RTL4: variants seen among roughly 807,000 people sequenced by gnomAD.
RTL4 encodes retrotransposon Gag-like protein 4.
RTL4 carries 4 observed loss-of-function variants against 5.3 expected under a neutral mutation model. The observed-to-expected ratio is 0.75, with a 90% confidence interval of 0.37 to 1.72. The LOEUF (loss-of-function observed/expected upper bound fraction) is 1.72. Ranked by LOEUF, RTL4 falls within the 40% of genes most tolerant of loss-of-function variation. The pLI is 0.04. For missense variants in RTL4, 260 were observed against 227.1 expected, an observed-to-expected ratio of 1.14 and a Z score of -0.93; for synonymous variants, 98 against 87.3, an observed-to-expected ratio of 1.12 and a Z score of -0.68.
At chrX:112,169,078 T>C in the RTL4 span, among the ~76,000 whole-genome samples, 1 of 44,041 alleles carries the variant, frequency 2.3e-5, no homozygotes, top group East Asian at 9.9e-4. Context: ...CTTTTTTCTT[T>C]CTTTCTTTTC....
chrX:112,312,800 G>A, the RTL4 span, among the ~76,000 whole-genome samples: 1 of 111,230 alleles, frequency 9.0e-6, no homozygotes, highest in South Asian at 3.8e-4. Flanking sequence ...TCCAGGTCCT[G>A]TTTCTCCCCA....
the RTL4 span, among the ~76,000 whole-genome samples, chrX:112,097,094 T>C: frequency 9.0e-6 from 1 of 111,687 alleles, no homozygotes; most frequent in Non-Finnish European, 1.9e-5. Context: ...GTAACCAACC[T>C]TAACCCCACC....
the RTL4 span, among the ~76,000 whole-genome samples, chrX:112,440,485 C>G: frequency 3.6e-5 from 4 of 111,607 alleles, no homozygotes; most frequent in African/African-American, 9.8e-5. Context: ...TACATCACTC[C>G]TGATGGGTAT....
At chrX:112,287,819 G>A in the RTL4 span, among the ~76,000 whole-genome samples, 3 of 111,748 alleles carry the variant, frequency 2.7e-5, no homozygotes, top group Admixed American at 9.5e-5. Flanking sequence ...TGGAGAAGGG[G>A]CCAGTAAAAG....
At chrX:112,094,512 C>T in the RTL4 span, among the ~76,000 whole-genome samples, 3 of 110,141 alleles carry the variant, frequency 2.7e-5, no homozygotes, top group Non-Finnish European at 5.7e-5. Flanking sequence ...GAAGTTGTCA[C>T]CATATAGATA....
the RTL4 span, among the ~76,000 whole-genome samples, chrX:112,415,820 G>A: frequency 7.2e-5 from 8 of 111,446 alleles, no homozygotes; most frequent in Non-Finnish European, 1.5e-4. Flanking sequence ...CCAAGGCCAC[G>A]GTTAGAAAAT....
At chrX:112,363,708 T>C in the RTL4 span, among the ~76,000 whole-genome samples, 1 of 111,539 alleles carries the variant, frequency 9.0e-6, no homozygotes, top group East Asian at 2.8e-4. Context: ...TGCTGCTATT[T>C]TTTAAAAATA....
chrX:112,326,950 C>CTGT, the RTL4 span, among the ~76,000 whole-genome samples: 2 of 111,682 alleles, frequency 1.8e-5, no homozygotes, highest in Non-Finnish European at 3.8e-5. Context: ...AGGGTCCTGT[C>CTGT]TGTTAGAAGG....
the RTL4 span, among the ~76,000 whole-genome samples, chrX:112,145,161 G>T: frequency 8.9e-6 from 1 of 111,760 alleles, no homozygotes; most frequent in Non-Finnish European, 1.9e-5. Context: ...TCAAGCAAAT[G>T]ACACTAGTTG....
chrX:112,097,234 G>T, the RTL4 span, among the ~76,000 whole-genome samples: 2 of 111,847 alleles, frequency 1.8e-5, no homozygotes, highest in African/African-American at 6.5e-5. Flanking sequence ...TGTGAAGAAA[G>T]GAGGAGGGAC....
chrX:112,361,985 G>A, the RTL4 span, among the ~76,000 whole-genome samples: 1 of 111,604 alleles, frequency 9.0e-6, no homozygotes, highest in Non-Finnish European at 1.9e-5. Flanking sequence ...ACTCCCAAAT[G>A]TTTATAGACT....
the RTL4 span, among the ~76,000 whole-genome samples, chrX:112,363,442 G>T: frequency 1.4e-4 from 15 of 110,884 alleles, no homozygotes; most frequent in Non-Finnish European, 2.1e-4. Context: ...TAAACTTCCT[G>T]CTTATTCTGG....
chrX:112,323,126 G>A, the RTL4 span, among the ~76,000 whole-genome samples: 5 of 111,948 alleles, frequency 4.5e-5, no homozygotes, highest in African/African-American at 1.3e-4. Flanking sequence ...TTCCAAAAAC[G>A]CTGTAAAACT....
the RTL4 span, among the ~76,000 whole-genome samples, chrX:112,276,029 A>T: frequency 9.0e-6 from 1 of 111,697 alleles, no homozygotes; most frequent in South Asian, 3.7e-4. Flanking sequence ...CTGACTAGCC[A>T]TTCTTTTTTT....
chrX:112,391,529 A>T, the RTL4 span, among the ~76,000 whole-genome samples: 2 of 109,218 alleles, frequency 1.8e-5, no homozygotes, highest in Non-Finnish European at 3.8e-5. Context: ...TTTGCGTAGG[A>T]TCTTTATTTG....
chrX:112,380,150 AT>A, the RTL4 span, among the ~76,000 whole-genome samples: 80 of 100,039 alleles, frequency 8.0e-4, no homozygotes, highest in Non-Finnish European at 5.6e-4. Flanking sequence ...ATGAAGATCA[AT>A]TTTTTTTTTT....
At chrX:112,093,193 C>A in the RTL4 span, among the ~76,000 whole-genome samples, 695 of 111,513 alleles carry the variant, frequency 6.2e-3, 9 homozygotes, top group African/African-American at 0.021. Flanking sequence ...ACTTCTGAAT[C>A]ATTTCTTTGC....
chrX:112,380,286 A>G, the RTL4 span, among the ~76,000 whole-genome samples: 1 of 109,739 alleles, frequency 9.1e-6, no homozygotes, highest in African/African-American at 3.3e-5. Flanking sequence ...AGCTGGGACT[A>G]CAGAAGCCCA....
the RTL4 span, among the ~76,000 whole-genome samples, chrX:112,332,891 T>G: frequency 9.0e-6 from 1 of 111,652 alleles, no homozygotes; most frequent in African/African-American, 3.3e-5. Flanking sequence ...TGTTTTTTTC[T>G]TCCTTCAATT....
Sources: gnomAD v4.1 joint callset for allele counts (sites outside exome capture counted in the v4.1 genomes callset) on GRCh38, gnomAD v4.1.1 for gene constraint, MANE v1.5 for transcripts, NCBI Gene and HGNC (gene_info 2026-07-23, HGNC 2026-07-21) for gene names.